Variants in PDZRN3 observed in about 807,000 individuals in gnomAD.
PDZRN3 encodes the protein PDZ domain containing ring finger 3, also known as E3 ubiquitin-protein ligase PDZRN3.
Under a neutral mutation model 85.7 loss-of-function variants are expected in PDZRN3, and 38 were observed. That is an observed-to-expected ratio of 0.44 (90% CI 0.34 to 0.58). The LOEUF (loss-of-function observed/expected upper bound fraction) is 0.58. Ranked by LOEUF, PDZRN3 falls within the 20% of genes least tolerant of loss-of-function variation. The pLI, the probability that PDZRN3 is intolerant of heterozygous loss-of-function variation, is 0.01. For synonymous variants in PDZRN3, 759 were observed against 638.0 expected (o/e 1.19, Z -2.86); for missense variants, 1,629 against 1,506.4 (o/e 1.08, Z -1.35).
At chr3:73,407,908 T>A (rs1179245765) in intron 3 of PDZRN3, 1 of 559,440 alleles carries the variant, frequency 1.8e-6, no homozygotes, top group Non-Finnish European at 3.2e-6. Flanking sequence ...ACAGCATCCA[T>A]ACTGCCCAGG....
chr3:73,513,726 A>C (rs187840184), intron 3 of PDZRN3, among the ~76,000 whole-genome samples: 4 of 152,332 alleles, frequency 2.6e-5, no homozygotes, highest in African/African-American at 9.6e-5. Context: ...AACCAACCAA[A>C]GAAATATTAC....
intron 3 of PDZRN3, among the ~76,000 whole-genome samples, chr3:73,428,164 T>C (rs80220859): frequency 0.057 from 8,704 of 152,164 alleles, 780 homozygotes; most frequent in African/African-American, 0.19. Flanking sequence ...CACAGGGCTC[T>C]GTGAGCCACA....
In PDZRN3 at chr3:73,449,476, C is replaced by T. The variant is rs185376636; in HGVS notation, c.919-45081G>A. Among the ~76,000 whole-genome samples the T allele has an allele frequency of 4.6e-5, 7 of 152,258 alleles. No individual in the cohort carries two copies. The East Asian group carries it at 1.4e-3, about 29-fold the overall frequency. On this transcript the variant is annotated intron_variant, in intron 3 of 9. Coordinates refer to ENST00000263666, the MANE Select transcript of PDZRN3 (RefSeq NM_015009.3). ...AGGCCACACTGAGTTCCATAATCCA[C>T]AGTGCGAGCAAATCCTCCGTGGATG...
intron 3 of PDZRN3, among the ~76,000 whole-genome samples, chr3:73,486,175 A>G (rs1324324623): frequency 6.6e-6 from 1 of 152,228 alleles, no homozygotes; most frequent in Non-Finnish European, 1.5e-5. Context: ...ACATTAGCAG[A>G]CAGTGGGGGC....
At chr3:73,462,542 CAAAAAAAAAAA>C (rs1167584471) in intron 3 of PDZRN3, among the ~76,000 whole-genome samples, 1 of 93,460 alleles carries the variant, frequency 1.1e-5, no homozygotes. Context: ...GACTCCGTCT[CAAAAAAAAAAA>C]AAAAAAAAAG....
intron 3 of PDZRN3, among the ~76,000 whole-genome samples, chr3:73,428,904 T>G (rs565699004): frequency 2.0e-5 from 3 of 151,522 alleles, no homozygotes; most frequent in African/African-American, 7.3e-5. Context: ...GTTTTTTTTT[T>G]CCCCCAGAGA....
intron 3 of PDZRN3, among the ~76,000 whole-genome samples, chr3:73,498,612 T>G (rs1035717272): frequency 5.4e-5 from 8 of 148,934 alleles, no homozygotes; most frequent in South Asian, 4.3e-4. Flanking sequence ...TGAGATGGAG[T>G]CTAGCTCTGT....
chr3:73,467,453 C>T (rs1703243140), intron 3 of PDZRN3, among the ~76,000 whole-genome samples: 1 of 152,160 alleles, frequency 6.6e-6, no homozygotes, highest in Non-Finnish European at 1.5e-5. Flanking sequence ...TCTTTCCTGC[C>T]TAGATGTTCT....
intron 3 of PDZRN3, among the ~76,000 whole-genome samples, chr3:73,475,428 G>T (rs1187156833): frequency 6.6e-6 from 1 of 152,102 alleles, no homozygotes; most frequent in Non-Finnish European, 1.5e-5. Flanking sequence ...TCCTCCTCAT[G>T]GCAGTCAATT....
intron 1 of PDZRN3, among the ~76,000 whole-genome samples, chr3:73,618,075 T>C (rs971853320): frequency 6.6e-6 from 1 of 152,172 alleles, no homozygotes; most frequent in Non-Finnish European, 1.5e-5. Flanking sequence ...CCTATGTAAA[T>C]GGGAACATGG....
chr3:73,513,806 TTGGA>T (rs1162042829), intron 3 of PDZRN3, among the ~76,000 whole-genome samples: 1 of 152,248 alleles, frequency 6.6e-6, no homozygotes, highest in Non-Finnish European at 1.5e-5. Context: ...TTTGTTGTTC[TTGGA>T]TGAATTTTTA....
chr3:73,388,070 CTT>C lies in PDZRN3; in HGVS notation c.1417-3_1417-2del. The C allele has an allele frequency of 1.3e-6, 1 of 790,602 alleles. No homozygotes were observed. Among genetic ancestry groups the C allele is most frequent in the Non-Finnish European group, 1.9e-6 (1 of 537,416 alleles). 49.0% of individuals were successfully genotyped at this position (790,602 alleles called of 1,614,324 possible). A position where few individuals can be genotyped will look rare whatever the true frequency, so the allele number is the denominator to read the frequency against. The stretch of plus-strand genomic sequence containing the variant: ...GGTTCTGCACCTCTATCCCATTAAT[CTT>C]TTAAAAAAAAAGGGGGGGTGGGGAG... On this transcript the variant is annotated splice_acceptor_variant and splice_polypyrimidine_tract_variant and intron_variant, in intron 7 of 9. Transcript: ENST00000263666. LOFTEE classifies it high-confidence loss of function.
Position 73,542,625 on chromosome 3 carries a change from T to C in PDZRN3, c.918+59729A>G, listed in dbSNP as rs558148639. Among the ~76,000 whole-genome samples, 7 of 151,870 alleles carry C rather than the reference T, an allele frequency of 4.6e-5. No homozygotes were observed. The East Asian group carries it at 1.2e-3, about 25-fold the overall frequency. On this transcript the variant is annotated intron_variant, in intron 3 of 9. Coordinates refer to ENST00000263666, the MANE Select transcript of PDZRN3 (RefSeq NM_015009.3). ...CCTGTCTTTACCAAAAATACAAAAATTAGCTGGGCGTGGTGGCAGGCGCCT... is the reference window on the plus strand; with the variant it reads ...CCTGTCTTTACCAAAAATACAAAAACTAGCTGGGCGTGGTGGCAGGCGCCT...
intron 3 of PDZRN3, among the ~76,000 whole-genome samples, chr3:73,579,842 G>C (rs1018074792): frequency 2.0e-5 from 3 of 152,124 alleles, no homozygotes; most frequent in African/African-American, 7.2e-5. Context: ...GTGTGTGTGT[G>C]TGTATATATA....
rs1204357308 is a variant in PDZRN3, at chr3:73,554,373, CA to C, written c.918+47980del. Among the ~76,000 whole-genome samples the C allele has an allele frequency of 6.6e-3, 1,011 of 152,084 alleles. 14 individuals carry two copies. The highest frequency in any genetic ancestry group is 0.023 in the African/African-American group (935 of 41,482). On this transcript the variant is annotated intron_variant, in intron 3 of 9. Transcript: ENST00000263666. ...GAGAAGACACACACACACACACACA[CA>C]CACACACACACTCCCAAGATGAGAA...
intron 3 of PDZRN3, among the ~76,000 whole-genome samples, chr3:73,409,822 T>C (rs1396199504): frequency 6.6e-6 from 1 of 152,226 alleles, no homozygotes; most frequent in Non-Finnish European, 1.5e-5. Flanking sequence ...TTTTAGAATG[T>C]AGTATTTGGA....
chr3:73,571,894 G>A (rs1410432106), intron 3 of PDZRN3, among the ~76,000 whole-genome samples: 4 of 152,150 alleles, frequency 2.6e-5, no homozygotes, highest in African/African-American at 4.8e-5. Context: ...TCCAATCCTC[G>A]GGCTGGGAAA....
chr3:73,452,828 G>A (rs577964247), intron 3 of PDZRN3, among the ~76,000 whole-genome samples: 2 of 56,410 alleles, frequency 3.5e-5, no homozygotes, highest in South Asian at 1.3e-3. Flanking sequence ...ATTCTCTAAC[G>A]GTCCATATAT....
intron 3 of PDZRN3, among the ~76,000 whole-genome samples, chr3:73,509,631 A>G (rs1704128804): frequency 6.6e-6 from 1 of 152,242 alleles, no homozygotes; most frequent in African/African-American, 2.4e-5. Context: ...GAGATCCTGC[A>G]GGAAAGTCAC....
Sources: gnomAD v4.1 joint callset for allele counts (sites outside exome capture counted in the v4.1 genomes callset) on GRCh38, gnomAD v4.1.1 for gene constraint, MANE v1.5 for transcripts, NCBI Gene and HGNC (gene_info 2026-07-23, HGNC 2026-07-21) for gene names.